The following SCAMP3 variants were observed in gnomAD, a reference collection of about 807,000 sequenced individuals.
The protein encoded by SCAMP3 is secretory carrier membrane protein 3, also known as secretory carrier-associated membrane protein 3.
In SCAMP3, 30 loss-of-function variants were observed where a neutral mutation model predicts 44.1. That is an observed-to-expected ratio of 0.68 (90% CI 0.51 to 0.92). The LOEUF (loss-of-function observed/expected upper bound fraction) is 0.92, where lower values mean the gene tolerates loss of function less well. Ranked by LOEUF, SCAMP3 falls within the 40% of genes least tolerant of loss-of-function variation. The probability of loss-of-function intolerance (pLI) is 0.00; values close to 1 mark genes in which losing one functional copy is unlikely to be tolerated. For missense variants in SCAMP3, 394 were observed against 440.0 expected (o/e 0.90, Z 0.93); for synonymous variants, 168 against 171.1 (o/e 0.98, Z 0.14).
In SCAMP3 at chr1:155,257,663, G is replaced by A. The variant is rs766519299; in HGVS notation, c.518-6C>T. On this transcript the variant is annotated splice_polypyrimidine_tract_variant and splice_region_variant and intron_variant, in intron 5 of 8. Transcript: ENST00000302631. ...GAGAAGAGCCAGCGTGCTGCCTAAG[G>A]GGCAGAGGGACAGGATGAGGAGCCC... is the stretch of plus-strand genomic sequence containing the variant. 7 of 1,553,664 alleles carry A rather than the reference G, an allele frequency of 4.5e-6. No homozygotes were observed. The African/African-American group carries it at 6.8e-5, about 15-fold the overall frequency.
At chr1:155,256,561 G>T in intron 8 of SCAMP3, 113 bp downstream of exon 8, 1 of 1,361,784 alleles carries the variant, frequency 7.3e-7, no homozygotes, top group Non-Finnish European at 1.0e-6. Context: ...AGGTCCATTA[G>T]CTGAGAACAA....
chr1:155,256,166 A>G lies in SCAMP3; in HGVS notation c.*107T>C, dbSNP rs1229443603. The G allele has an allele frequency of 4.2e-6, 5 of 1,185,712 alleles. No individual in the cohort carries two copies. In the Admixed American group the frequency reaches 7.4e-5, roughly 18 times the overall value. 73.4% of individuals were successfully genotyped at this position (1,185,712 alleles called of 1,614,324 possible). ...TCATGGCCATAGGATTGGGAGCACT[A>G]CGGAGGAGCCATCAGTTAGTGATGT... On this transcript the variant is annotated 3_prime_UTR_variant, in exon 9 of 9. Coordinates refer to ENST00000302631, the MANE Select transcript of SCAMP3 (RefSeq NM_005698.4).
chr1:155,256,876 TC>T lies in SCAMP3; in HGVS notation c.780-86del, dbSNP rs1672815286. On this transcript the variant is annotated intron_variant, in intron 7 of 8. Coordinates refer to ENST00000302631, the MANE Select transcript of SCAMP3 (RefSeq NM_005698.4). ...CACCAGCATCCCCTGTTCCTACCCT[TC>T]CCATCAGCAGTGGCTCCCTGTCAAT... The T allele has an allele frequency of 6.6e-6, 7 of 1,063,414 alleles. No individual in the cohort carries two copies. In the African/African-American group the frequency reaches 1.1e-4, roughly 17 times the overall value. The allele number at this position is 1,063,414 out of a possible 1,614,324, so 65.9% of individuals were successfully genotyped here. A position where few individuals can be genotyped will look rare whatever the true frequency, so the allele number is the denominator to read the frequency against.
Position 155,256,411 on chromosome 1 carries a change from G to A in SCAMP3, c.906C>T (p.Ser302=), listed in dbSNP as rs776722756. Residue 302 remains serine, a synonymous_variant, in exon 9 of 9, where the codon TCC becomes TCT. Transcript: ENST00000302631. ...LGIVMLKRIH[S]LYRRTGASFQ... ...AGCTGGCACCTGTGCGGCGGTATAA[G>A]GAGTGGATCTGCAAGTAGAGGACAA... 1 of 1,584,912 alleles carries A rather than the reference G, an allele frequency of 6.3e-7. No individual in the cohort carries two copies. The highest frequency in any genetic ancestry group is 1.8e-5 in the Admixed American group (1 of 55,454).
Position 155,256,675 on chromosome 1 carries a change from C to G in SCAMP3, c.896G>C (p.Arg299Pro). 1 of 1,613,542 alleles carries G rather than the reference C, an allele frequency of 6.2e-7. No homozygotes were observed. ...IAVLGIVMLK[R>P]IHSLYRRTGA... Reference sequence around the variant, plus strand: ...CCCCACCTTCGACACAGCCCTCACCCGTTTCAGCATGACAATTCCTAGCAC... The same window carrying G: ...CCCCACCTTCGACACAGCCCTCACCGGTTTCAGCATGACAATTCCTAGCAC... The change falls in exon 8 of 9, where the codon CGG becomes CCG. Residue 299 changes from arginine to proline, a missense_variant and splice_region_variant. Physicochemically the swap from Arg to Pro is moderately radical, Grantham distance 103. Transcript: ENST00000302631.
chr1:155,257,632 G>C lies in SCAMP3; in HGVS notation c.543C>G (p.Asn181Lys). ...AGAAGCTGGCCAGGCAGGCGAGGAA[G>C]TTCAGGAGAAGAGCCAGCGTGCTGC... ...WMCSTLALLL[N>K]FLACLASFCV... Residue 181 changes from asparagine to lysine, a missense_variant, in exon 6 of 9, where the codon AAC (asparagine) becomes AAG (lysine). Physicochemically the swap from Asn to Lys is moderately conservative, Grantham distance 94. Coordinates refer to ENST00000302631, the MANE Select transcript of SCAMP3 (RefSeq NM_005698.4). 6.4e-7 allele frequency: 1 copy of C among 1,567,820 alleles called. No homozygotes were observed. The highest frequency in any genetic ancestry group is 8.7e-7 in the Non-Finnish European group (1 of 1,155,112).
Position 155,260,561 on chromosome 1 carries a change from C to T in SCAMP3, c.243G>A (p.Lys81=), listed in dbSNP as rs1672933425. ...CCTGAGTGCTGTATGAGCCATAGTTCTTAGGTTCTGTGGGGCTGAGCTTTC... is the reference window on the plus strand; with the variant it reads ...CCTGAGTGCTGTATGAGCCATAGTTTTTAGGTTCTGTGGGGCTGAGCTTTC... The part of the protein sequence containing the change: ...PSRKLSPTEP[K]NYGSYSTQAS... Residue 81 remains lysine (K), a synonymous_variant, in exon 3 of 9, where the codon AAG becomes AAA. Transcript: ENST00000302631. The T allele has an allele frequency of 1.2e-6, 2 of 1,614,148 alleles. No individual in the cohort carries two copies. Among genetic ancestry groups the T allele is most frequent in the Middle Eastern group, 1.6e-4 (1 of 6,062 alleles).
rs1159885792 is a variant in SCAMP3, at chr1:155,262,353, AC to A, written c.-203del. The stretch of plus-strand genomic sequence containing the variant: ...GCCTGCGTCTTGTCCAAAAGCTAAG[AC>A]GAAAGTGCCCCCACGTGATACCTCT... On this transcript the variant is annotated 5_prime_UTR_variant, in exon 1 of 9. Transcript: ENST00000302631. 1.3e-4 allele frequency: 77 copies of A among 575,540 alleles called. 2 individuals are homozygous for A. In the South Asian group the frequency reaches 1.5e-3, roughly 11 times the overall value. The allele number at this position is 575,540 out of a possible 1,614,324, so 35.7% of individuals were successfully genotyped here. A position where few individuals can be genotyped will look rare whatever the true frequency, so the allele number is the denominator to read the frequency against.
chr1:155,258,297 G>A (rs1461240126), intron 5 of SCAMP3, among the ~76,000 whole-genome samples: 2 of 145,488 alleles, frequency 1.4e-5, no homozygotes, highest in East Asian at 4.0e-4. Flanking sequence ...GGGATTACAG[G>A]TGTGAGCCAC....
intron 1 of SCAMP3, 29 bp downstream of exon 1, chr1:155,262,057 C>G (rs1354462201): frequency 6.2e-7 from 1 of 1,609,502 alleles, no homozygotes; most frequent in South Asian, 1.1e-5. Flanking sequence ...AACCTGACCG[C>G]CCAAAAGAGG....
intron 5 of SCAMP3, 95 bp from the exon 6 acceptor site, chr1:155,257,752 C>T: frequency 8.1e-7 from 1 of 1,235,966 alleles, no homozygotes; most frequent in Non-Finnish European, 1.1e-6. Flanking sequence ...CCAAACATGG[C>T]AGAGTAAGGA....
In SCAMP3 at chr1:155,256,236, C is replaced by T; in HGVS notation, c.*37G>A. 1 of 1,521,788 alleles carries T rather than the reference C, an allele frequency of 6.6e-7. No individual in the cohort carries two copies. Among genetic ancestry groups the T allele is most frequent in the Middle Eastern group, 2.5e-4 (1 of 4,048 alleles). 94.3% of individuals were successfully genotyped at this position (1,521,788 alleles called of 1,614,324 possible). A position where few individuals can be genotyped will look rare whatever the true frequency, so the allele number is the denominator to read the frequency against. On this transcript the variant is annotated 3_prime_UTR_variant, in exon 9 of 9. Coordinates refer to ENST00000302631, the MANE Select transcript of SCAMP3 (RefSeq NM_005698.4). The stretch of plus-strand genomic sequence containing the variant: ...CTTAGGGACGGGAGCTAAGTCAGCT[C>T]CCTCAAGTAGCAGGGCCAGGGCATC...
intron 2 of SCAMP3, 58 bp from the exon 3 acceptor site, chr1:155,260,717 T>C: frequency 5.5e-6 from 8 of 1,453,708 alleles, no homozygotes; most frequent in Non-Finnish European, 7.5e-6. Context: ...GAATCTAGAG[T>C]CTGCTTGAAT....
At chr1:155,258,718 G>A in intron 5 of SCAMP3, 108 bp downstream of exon 5, 2 of 984,008 alleles carry the variant, frequency 2.0e-6, no homozygotes, top group East Asian at 2.6e-5. Flanking sequence ...TTGCTAGCAG[G>A]CTGGTGAGTT....
chr1:155,256,564 G>A (rs1672803344), intron 8 of SCAMP3, 110 bp downstream of exon 8: 3 of 1,364,614 alleles, frequency 2.2e-6, no homozygotes, highest in Non-Finnish European at 3.1e-6. Context: ...TCCATTAGCT[G>A]AGAACAACCC....
chr1:155,257,779 G>T, intron 5 of SCAMP3, 122 bp from the exon 6 acceptor site: 1 of 881,942 alleles, frequency 1.1e-6, no homozygotes, highest in Non-Finnish European at 1.7e-6. Flanking sequence ...GGCAGCTGCT[G>T]CCTTCATGGA....
chr1:155,262,124 G>A lies in SCAMP3; in HGVS notation c.28C>T (p.Pro10Ser), dbSNP rs767379250. ...TCAAGCTCGCTGGGCTCGGCGAACG[G>A]GTTTCCGCCGTCTCTGCTCTGAGCC... MAQSRDGGN[P>S]FAEPSELDNP... The change falls in exon 1 of 9, where the codon CCG becomes TCG. Residue 10 changes from proline to serine, a missense_variant. Transcript: ENST00000302631. The A allele has an allele frequency of 6.2e-7, 1 of 1,614,052 alleles. No individual in the cohort carries two copies. The highest frequency in any genetic ancestry group is 1.1e-5 in the South Asian group (1 of 91,080).
In SCAMP3 at chr1:155,256,115, C is replaced by A; in HGVS notation, c.*158G>T. On this transcript the variant is annotated 3_prime_UTR_variant, in exon 9 of 9. Transcript: ENST00000302631. ...TGGGGGGACTAGGTCACAGTGAACT[C>A]CCCACACGCCTGTCAGGTTCAGCAG... 1.5e-6 allele frequency: 1 copy of A among 660,898 alleles called. No homozygotes were observed. Among genetic ancestry groups the A allele is most frequent in the Non-Finnish European group, 2.4e-6 (1 of 412,008 alleles). 40.9% of individuals were successfully genotyped at this position (660,898 alleles called of 1,614,324 possible).
At position 155,262,238 on chromosome 1, in the gene SCAMP3, A is replaced by C; in HGVS notation, c.-87T>G. On this transcript the variant is annotated 5_prime_UTR_variant, in exon 1 of 9. Transcript: ENST00000302631. The stretch of plus-strand genomic sequence containing the variant: ...AGCGGTAGCCCTCAGAGTCCACTTC[A>C]CTCGCCTCAGTTCGCCCCGCTTCTC... 1 of 1,240,428 alleles carries C rather than the reference A, an allele frequency of 8.1e-7. No individual in the cohort carries two copies. The highest frequency in any genetic ancestry group is 1.1e-6 in the Non-Finnish European group (1 of 874,270). 76.8% of individuals were successfully genotyped at this position (1,240,428 alleles called of 1,614,324 possible). A position where few individuals can be genotyped will look rare whatever the true frequency, so the allele number is the denominator to read the frequency against.
Sources: gnomAD v4.1 joint callset for allele counts (sites outside exome capture counted in the v4.1 genomes callset) on GRCh38, gnomAD v4.1.1 for gene constraint, MANE v1.5 for transcripts, NCBI Gene and HGNC (gene_info 2026-07-23, HGNC 2026-07-21) for gene names.